GMEB1: variants seen among roughly 807,000 people sequenced by gnomAD.
GMEB1 encodes the protein glucocorticoid modulatory element-binding protein 1.
In GMEB1, 6 loss-of-function variants were observed where a neutral mutation model predicts 52.4. The ratio of observed to expected loss-of-function variants is 0.11; its 90% confidence interval spans 0.06 to 0.23. The LOEUF (loss-of-function observed/expected upper bound fraction) is 0.23. Among genes scored for constraint, GMEB1 ranks in the 10% least tolerant of loss-of-function variants. GMEB1 has a pLI of 1.00. For synonymous variants in GMEB1, 255 were observed against 244.9 expected (o/e 1.04, Z -0.38); for missense variants, 486 against 685.6 (o/e 0.71, Z 3.25).
At chr1:28,683,848 A>T in intron 2 of GMEB1, 108 bp downstream of exon 2, 1 of 1,058,328 alleles carries the variant, frequency 9.4e-7, no homozygotes, top group Non-Finnish European at 1.4e-6. Flanking sequence ...AACATCAATC[A>T]GAGCTGGCTC....
intron 1 of GMEB1, among the ~76,000 whole-genome samples, chr1:28,681,950 C>T (rs952794627): frequency 5.9e-5 from 9 of 152,094 alleles, no homozygotes; most frequent in South Asian, 4.2e-4. Context: ...GTGATCCACC[C>T]GCCTAGGCCT....
Position 28,690,203 on chromosome 1 carries a change from G to GTTTT in GMEB1, c.211+35_211+38dup, listed in dbSNP as rs878890649. The GTTTT allele has an allele frequency of 3.8e-3, 1,976 of 513,498 alleles. No individual in the cohort carries two copies. The highest frequency in any genetic ancestry group is 5.4e-3 in the South Asian group (228 of 42,394). 31.8% of individuals were successfully genotyped at this position (513,498 alleles called of 1,614,324 possible). On this transcript the variant is annotated intron_variant, in intron 3 of 9. Coordinates refer to ENST00000373816, the MANE Select transcript of GMEB1 (RefSeq NM_001319674.2). The stretch of plus-strand genomic sequence containing the variant: ...AAGGGATTGGTAAGGGTTTTTTTGT[G>GTTTT]TTTTTTTTTTTTTTTTTTTTTGTCA...
intron 7 of GMEB1, among the ~76,000 whole-genome samples, chr1:28,702,977 A>G (rs1022138713): frequency 1.3e-5 from 2 of 152,166 alleles, no homozygotes; most frequent in Admixed American, 6.6e-5. Context: ...AGATCGCGCC[A>G]CTGCACTCCA....
At position 28,676,509 on chromosome 1, in the gene GMEB1, C is replaced by T. The variant is rs562799473; in HGVS notation, c.-30-7074C>T. Among the ~76,000 whole-genome samples the T allele has an allele frequency of 5.3e-5, 8 of 152,228 alleles. No homozygotes were observed. In the South Asian group the frequency reaches 8.3e-4, roughly 16 times the overall value. On this transcript the variant is annotated intron_variant, in intron 1 of 9. Transcript: ENST00000373816. ...TTGGGAGGCCAAGGTGGGTGGATCA[C>T]GAGGCCAGGAGATCGAGACCATCCT...
intron 7 of GMEB1, 22 bp downstream of exon 7, chr1:28,702,591 A>T (rs752027898): frequency 1.2e-6 from 2 of 1,609,594 alleles, no homozygotes; most frequent in Non-Finnish European, 1.7e-6. Flanking sequence ...TAGGGCTCAG[A>T]TGTCTTGCAG....
At chr1:28,712,970 G>T (rs1671128258) in intron 9 of GMEB1, among the ~76,000 whole-genome samples, 1 of 148,872 alleles carries the variant, frequency 6.7e-6, no homozygotes. Context: ...GGCTAACATG[G>T]TGAAACCCTG....
At chr1:28,692,601 C>G (rs1347258306) in intron 4 of GMEB1, among the ~76,000 whole-genome samples, 3 of 151,846 alleles carry the variant, frequency 2.0e-5, no homozygotes, top group Non-Finnish European at 4.4e-5. Context: ...ATTGCTTATT[C>G]TGTCTTCATT....
At chr1:28,681,705 A>G (rs1290556623) in intron 1 of GMEB1, among the ~76,000 whole-genome samples, 2 of 151,498 alleles carry the variant, frequency 1.3e-5, no homozygotes, top group African/African-American at 2.4e-5. Context: ...TTCTGACTAC[A>G]CTTTTTTTTT....
intron 8 of GMEB1, among the ~76,000 whole-genome samples, chr1:28,706,071 A>G (rs146970428): frequency 0.038 from 5,841 of 151,836 alleles, 360 homozygotes; most frequent in African/African-American, 0.13. Context: ...GGAGAATGGC[A>G]TGAACCCGGG....
intron 3 of GMEB1, 128 bp downstream of exon 3, chr1:28,690,314 C>T: frequency 1.8e-6 from 1 of 566,326 alleles, no homozygotes; most frequent in Non-Finnish European, 3.1e-6. Flanking sequence ...GTGTGCCCTA[C>T]CAGTACTACA....
chr1:28,697,052 C>G lies in GMEB1; in HGVS notation c.566C>G (p.Thr189Arg), dbSNP rs1485077792. 1 of 1,611,738 alleles carries G rather than the reference C, an allele frequency of 6.2e-7. No homozygotes were observed. The highest frequency in any genetic ancestry group is 8.5e-7 in the Non-Finnish European group (1 of 1,178,988). ...AGAGCTCCAGTGCCAGGACAGCAGA[C>G]AAGTGTGGTGCAGACACCCACTTCG... Reference protein sequence around the residue: ...SARAPVPGQQTSVVQTPTSAD... With the variant: ...SARAPVPGQQRSVVQTPTSAD... Residue 189 changes from threonine to arginine, a missense_variant, in exon 6 of 10, where the codon ACA becomes AGA. Coordinates refer to ENST00000373816, the MANE Select transcript of GMEB1 (RefSeq NM_001319674.2).
At chr1:28,675,141 C>T (rs917624261) in intron 1 of GMEB1, among the ~76,000 whole-genome samples, 15 of 151,460 alleles carry the variant, frequency 9.9e-5, no homozygotes, top group African/African-American at 1.7e-4. Context: ...CCTCAGCCTC[C>T]CAAGTAGCTG....
chr1:28,692,416 C>T (rs1670011189), intron 4 of GMEB1, among the ~76,000 whole-genome samples: 1 of 151,788 alleles, frequency 6.6e-6, no homozygotes, highest in South Asian at 2.1e-4. Context: ...CCTATAATTC[C>T]AGCTACTCCG....
chr1:28,695,431 C>T (rs1670155781), intron 5 of GMEB1, among the ~76,000 whole-genome samples: 1 of 151,442 alleles, frequency 6.6e-6, no homozygotes, highest in Non-Finnish European at 1.5e-5. Flanking sequence ...GGGGTTTCTC[C>T]ATGTTGGTCA....
At chr1:28,686,269 A>T (rs1248442235) in intron 2 of GMEB1, among the ~76,000 whole-genome samples, 1 of 151,902 alleles carries the variant, frequency 6.6e-6, no homozygotes, top group Non-Finnish European at 1.5e-5. Context: ...TGAGCCTAGG[A>T]GATTGAGGCT....
At chr1:28,668,979 A>G (rs1237415081) in intron 1 of GMEB1, 140 bp downstream of exon 1, 1 of 131,256 alleles carries the variant, frequency 7.6e-6, no homozygotes, top group Non-Finnish European at 1.6e-5. Context: ...GCGCCTCCCC[A>G]CGCCCTGTGC....
chr1:28,713,922 C>T lies in GMEB1; in HGVS notation c.992-151C>T, dbSNP rs1671171929. The T allele has an allele frequency of 1.1e-5, 7 of 649,662 alleles. No individual in the cohort carries two copies. In the South Asian group the frequency reaches 1.3e-4, roughly 12 times the overall value. The allele number at this position is 649,662 out of a possible 1,614,324, so 40.2% of individuals were successfully genotyped here. A position where few individuals can be genotyped will look rare whatever the true frequency, so the allele number is the denominator to read the frequency against. On this transcript the variant is annotated intron_variant, in intron 9 of 9. Transcript: ENST00000373816. ...GGCAACATAACAAGACTCTGCCCCC[C>T]AAATAAGCACAAGAAAGAAAACAAT...
Position 28,714,224 on chromosome 1 carries a change from G to A in GMEB1, c.1143G>A (p.Leu381=), listed in dbSNP as rs1410332281. ...AGCGGCCAGCCTCCACCACTGTCTT[G>A]AGCCCTTCTCCTCCTGTCCAGCAGC... is the stretch of plus-strand genomic sequence containing the variant. ...RLQRPASTTV[L]SPSPPVQQPQ... The change falls in exon 10 of 10, where the codon TTG becomes TTA. Residue 381 remains leucine (L), a synonymous_variant. Transcript: ENST00000373816. The A allele has an allele frequency of 6.2e-7, 1 of 1,614,114 alleles. No individual in the cohort carries two copies. Among genetic ancestry groups the A allele is most frequent in the South Asian group, 1.1e-5 (1 of 91,084 alleles).
chr1:28,675,644 C>T (rs1250281295), intron 1 of GMEB1, among the ~76,000 whole-genome samples: 1 of 146,968 alleles, frequency 6.8e-6, no homozygotes, highest in Non-Finnish European at 1.5e-5. Flanking sequence ...CCCGCCACTG[C>T]ACTCCAGCCT....
Sources: gnomAD v4.1 joint callset for allele counts (sites outside exome capture counted in the v4.1 genomes callset) on GRCh38, gnomAD v4.1.1 for gene constraint, MANE v1.5 for transcripts, NCBI Gene and HGNC (gene_info 2026-07-23, HGNC 2026-07-21) for gene names.